The following HIVEP3 variants were observed in gnomAD, a reference collection of about 807,000 sequenced individuals.
HIVEP3 encodes transcription factor HIVEP3.
HIVEP3 carries 49 observed loss-of-function variants against 152.8 expected under a neutral mutation model. The observed-to-expected ratio is 0.32, with a 90% CI of 0.26 to 0.41. The LOEUF (loss-of-function observed/expected upper bound fraction) is 0.41, where lower values mean the gene tolerates loss of function less well. Ranked by LOEUF, HIVEP3 falls within the 10% of genes least tolerant of loss-of-function variation. The probability of loss-of-function intolerance (pLI) is 1.00; values close to 1 mark genes in which losing one functional copy is unlikely to be tolerated. For synonymous variants in HIVEP3, 1,269 were observed against 1,289.0 expected (o/e 0.98, Z 0.33); for missense variants, 2,790 against 3,103.3 (o/e 0.90, Z 2.40).
At chr1:41,916,070 T>C (rs1003320567) in intron 1 of HIVEP3, among the ~76,000 whole-genome samples, 4 of 152,196 alleles carry the variant, frequency 2.6e-5, no homozygotes, top group Admixed American at 2.6e-4. Flanking sequence ...GCTTTCTTAA[T>C]GTTATCTTTC....
chr1:41,540,915 C>T (rs2492069), intron 5 of HIVEP3, among the ~76,000 whole-genome samples: 146,226 of 152,018 alleles, frequency 0.96, 70,240 homozygotes, highest in East Asian at 1. Context: ...CCAGGTCCAG[C>T]GGGTTTAGCT....
intron 3 of HIVEP3, among the ~76,000 whole-genome samples, chr1:41,594,940 T>A (rs1027745931): frequency 1.3e-5 from 2 of 152,206 alleles, no homozygotes; most frequent in African/African-American, 4.8e-5. Flanking sequence ...AGCTTAAGTT[T>A]TTTTACTCCC....
chr1:41,722,259 C>T (rs1357133140), intron 1 of HIVEP3, among the ~76,000 whole-genome samples: 1 of 152,204 alleles, frequency 6.6e-6, no homozygotes, highest in Non-Finnish European at 1.5e-5. Flanking sequence ...CACCTCCCTT[C>T]ACCTCTCTGA....
At chr1:41,547,556 A>G (rs1396832631) in intron 5 of HIVEP3, among the ~76,000 whole-genome samples, 1 of 151,952 alleles carries the variant, frequency 6.6e-6, no homozygotes, top group Non-Finnish European at 1.5e-5. Flanking sequence ...TAGAGCGAGG[A>G]GCCCGAGGAG....
chr1:41,996,102 A>G (rs56319954), intron 1 of HIVEP3, among the ~76,000 whole-genome samples: 2,242 of 152,008 alleles, frequency 0.015, 47 homozygotes, highest in African/African-American at 0.051. Flanking sequence ...GGAAGATTCA[A>G]AGAGCTGGGG....
At chr1:41,539,115 T>C (rs1643468091) in intron 5 of HIVEP3, among the ~76,000 whole-genome samples, 2 of 152,220 alleles carry the variant, frequency 1.3e-5, no homozygotes, top group Admixed American at 6.5e-5. Context: ...TGGAAGTTCC[T>C]TAAAACCTCT....
At chr1:41,923,062 A>G (rs1026460373), upstream of HIVEP3, among the ~76,000 whole-genome samples, 3 of 152,244 alleles carry the variant, frequency 2.0e-5, no homozygotes, top group Non-Finnish European at 4.4e-5. Flanking sequence ...AGAAATATAT[A>G]CTTTAATGCT....
At chr1:42,003,548 C>T (rs973823107) in intron 1 of HIVEP3, among the ~76,000 whole-genome samples, 5 of 152,152 alleles carry the variant, frequency 3.3e-5, no homozygotes, top group South Asian at 2.1e-4. Flanking sequence ...AGAACAGTGG[C>T]GACAGAAGAC....
At chr1:41,955,805 G>C (rs1173179649) in intron 1 of HIVEP3, among the ~76,000 whole-genome samples, 1 of 152,218 alleles carries the variant, frequency 6.6e-6, no homozygotes, top group African/African-American at 2.4e-5. Flanking sequence ...ATTGTGAATG[G>C]ACAGAGGAAT....
At chr1:41,962,316 A>G (rs1645173754) in intron 1 of HIVEP3, among the ~76,000 whole-genome samples, 1 of 152,248 alleles carries the variant, frequency 6.6e-6, no homozygotes, top group South Asian at 2.1e-4. Flanking sequence ...AGCCTTGGCC[A>G]AAAGGATTTG....
intron 5 of HIVEP3, among the ~76,000 whole-genome samples, chr1:41,562,964 G>A (rs1178938988): frequency 6.6e-6 from 1 of 151,926 alleles, no homozygotes; most frequent in Non-Finnish European, 1.5e-5. Flanking sequence ...CCCAGAGAAA[G>A]CCTGGAGGTT....
chr1:41,905,685 T>C (rs1351993148), intron 1 of HIVEP3, among the ~76,000 whole-genome samples: 3 of 152,226 alleles, frequency 2.0e-5, no homozygotes, highest in South Asian at 2.1e-4. Flanking sequence ...TTAATTTCTA[T>C]GCCAAATTGT....
intron 2 of HIVEP3, among the ~76,000 whole-genome samples, 189 bp from the exon 3 acceptor site, chr1:41,629,136 T>C (rs1385205779): frequency 1.3e-5 from 2 of 152,176 alleles, no homozygotes; most frequent in Non-Finnish European, 2.9e-5. Context: ...TGAGCCTCTA[T>C]TTCTTCACTA....
rs112429941 is a variant in HIVEP3 at position 41,950,240 on chromosome 1, T to C, written n.120-31716A>G. Among the ~76,000 whole-genome samples the C allele has an allele frequency of 8.2e-3, 1,251 of 152,254 alleles. 18 individuals carry two copies. Among genetic ancestry groups the C allele is most frequent in the African/African-American group, 0.029 (1,208 of 41,556 alleles). On this transcript the variant is annotated intron_variant and non_coding_transcript_variant, in intron 1 of 3. Transcript: ENST00000489103. Reference sequence around the variant, plus strand: ...TAAACCCAGGCATTCCAGCCGGCAATGGCTACCCTCTTTGGGTCCCCTCCC... The same window carrying C: ...TAAACCCAGGCATTCCAGCCGGCAACGGCTACCCTCTTTGGGTCCCCTCCC...
intron 5 of HIVEP3, among the ~76,000 whole-genome samples, chr1:41,541,636 C>T (rs12120716): frequency 0.19 from 28,520 of 152,154 alleles, 3,340 homozygotes; most frequent in Non-Finnish European, 0.27. Context: ...ATGGGTCATG[C>T]TCTCCAGGTC....
intron 1 of HIVEP3, among the ~76,000 whole-genome samples, chr1:42,015,764 C>A (rs1283114806): frequency 6.6e-6 from 1 of 152,272 alleles, no homozygotes; most frequent in African/African-American, 2.4e-5. Flanking sequence ...GTAGGGAACA[C>A]CCTAGCTGCC....
intron 2 of HIVEP3, among the ~76,000 whole-genome samples, chr1:41,691,740 G>A (rs1431464248): frequency 6.6e-6 from 1 of 152,210 alleles, no homozygotes; most frequent in East Asian, 1.9e-4. Context: ...CTGAATGAAT[G>A]AAGACACTAT....
chr1:41,893,175 T>G (rs1158248978), intron 1 of HIVEP3, among the ~76,000 whole-genome samples: 1 of 148,480 alleles, frequency 6.7e-6, no homozygotes, highest in Non-Finnish European at 1.5e-5. Context: ...CTGAGAAGCC[T>G]CTGGCTCAAA....
At position 41,884,473 on chromosome 1, in the gene HIVEP3, G is replaced by A. The variant is rs969858034; in HGVS notation, c.-801+33940C>T. Among the ~76,000 whole-genome samples the A allele has an allele frequency of 3.3e-5, 5 of 152,172 alleles. No individual in the cohort carries two copies. In the South Asian group the frequency reaches 6.2e-4, roughly 19 times the overall value. On this transcript the variant is annotated intron_variant, in intron 1 of 8. Coordinates refer to ENST00000372583, the MANE Select transcript of HIVEP3 (RefSeq NM_024503.5). ...CCATCCCGGGATTGCAGGCAAGTGC[G>A]GCTGATGCAGAAGGACGTTGGGGAA... is the stretch of plus-strand genomic sequence containing the variant.
Sources: gnomAD v4.1 joint callset for allele counts (sites outside exome capture counted in the v4.1 genomes callset) on GRCh38, gnomAD v4.1.1 for gene constraint, MANE v1.5 for transcripts, NCBI Gene and HGNC (gene_info 2026-07-23, HGNC 2026-07-21) for gene names.